The following MAP2 variants were observed in gnomAD, a reference collection of about 807,000 sequenced individuals.
MAP2 encodes the protein microtubule associated protein 2.
Under a neutral mutation model 137.6 loss-of-function variants are expected in MAP2, and 14 were observed. The ratio of observed to expected loss-of-function variants is 0.10; its 90% CI spans 0.07 to 0.16. The LOEUF is 0.16. Ranked by LOEUF, MAP2 falls within the 10% of genes least tolerant of loss-of-function variation. The pLI is 1.00. For synonymous variants in MAP2, 786 were observed against 782.3 expected (o/e 1.00, Z -0.08); for missense variants, 2,088 against 2,191.5 (o/e 0.95, Z 0.94).
chr2:209,595,256 A>T (rs1296968652), intron 3 of MAP2, among the ~76,000 whole-genome samples: 1 of 152,204 alleles, frequency 6.6e-6, no homozygotes, highest in Non-Finnish European at 1.5e-5. Flanking sequence ...TCTTGGCAAT[A>T]TTAAGAATAT....
In MAP2 at chr2:209,503,558, T is replaced by C. The variant is rs192006648; in HGVS notation, c.-221-4034T>C. Among the ~76,000 whole-genome samples the C allele has an allele frequency of 7.2e-5, 11 of 152,264 alleles. No homozygotes were observed. The East Asian group carries it at 2.1e-3, about 30-fold the overall frequency. On this transcript the variant is annotated intron_variant, in intron 1 of 15. Transcript: ENST00000682079. The stretch of plus-strand genomic sequence containing the variant: ...GGTTTCAGGTCTTACATTTAAGTTT[T>C]CATTCCATTTTGGGTTGATTTTTGT...
intron 4 of MAP2, among the ~76,000 whole-genome samples, chr2:209,625,538 T>A (rs892635075): frequency 6.6e-5 from 10 of 152,092 alleles, no homozygotes; most frequent in Admixed American, 5.2e-4. Context: ...ATCATCCCCA[T>A]TTTAGAGATT....
chr2:209,592,294 T>C (rs2079477074), intron 3 of MAP2, among the ~76,000 whole-genome samples: 1 of 152,178 alleles, frequency 6.6e-6, no homozygotes, highest in Non-Finnish European at 1.5e-5. Context: ...GGCACGGCTG[T>C]GTTTCAATAA....
At chr2:209,442,005 C>T (rs1252220463) in intron 1 of MAP2, among the ~76,000 whole-genome samples, 1 of 151,424 alleles carries the variant, frequency 6.6e-6, no homozygotes, top group Non-Finnish European at 1.5e-5. Flanking sequence ...TACATGTTTC[C>T]TCAGGATTGT....
At chr2:209,578,075 GGAAA>G (rs910323903) in intron 2 of MAP2, among the ~76,000 whole-genome samples, 16 of 152,180 alleles carry the variant, frequency 1.1e-4, no homozygotes, top group African/African-American at 3.9e-4. Flanking sequence ...AAGAGAGCAG[GGAAA>G]GAAAGTCACT....
intron 5 of MAP2, among the ~76,000 whole-genome samples, chr2:209,660,474 A>G (rs2042944882): frequency 1.4e-5 from 2 of 140,244 alleles, no homozygotes; most frequent in South Asian, 4.4e-4. Context: ...GCACACTGCA[A>G]GCTCCGCCTC....
At chr2:209,595,594 G>A (rs942695340) in intron 3 of MAP2, among the ~76,000 whole-genome samples, 4 of 152,092 alleles carry the variant, frequency 2.6e-5, no homozygotes, top group Non-Finnish European at 5.9e-5. Flanking sequence ...TGGATCCAGC[G>A]ATCCCATTAC....
At chr2:209,481,056 C>T (rs747630114) in intron 1 of MAP2, among the ~76,000 whole-genome samples, 25 of 152,190 alleles carry the variant, frequency 1.6e-4, no homozygotes, top group Non-Finnish European at 3.5e-4. Flanking sequence ...AAGAGACCAT[C>T]TCCTGTACAG....
intron 2 of MAP2, among the ~76,000 whole-genome samples, chr2:209,554,946 A>G (rs2070191746): frequency 6.8e-6 from 1 of 147,362 alleles, no homozygotes; most frequent in African/African-American, 2.5e-5. Flanking sequence ...ATATAAATAT[A>G]TATATTATTT....
In MAP2 at chr2:209,693,101, T is replaced by C. The variant is rs761272143; in HGVS notation, c.931T>C (p.Ser311Pro). ...AAAATGGGAAGGGAAACAGTTTGAT[T>C]CTCCCATGCCAAGTCCCTTTCAAGG... ...IPKWEGKQFDSPMPSPFQGGS... is the reference protein window; with the variant it reads ...IPKWEGKQFDPPMPSPFQGGS... Residue 311 changes from serine to proline, a missense_variant, in exon 8 of 16, where the codon TCT becomes CCT. Physicochemically the swap from Ser to Pro is moderately conservative, Grantham distance 74. This residue lies in a region of MAP2 where 859 missense variants were observed against 794.5 expected (regional missense o/e 1.08). Coordinates refer to ENST00000682079, the MANE Select transcript of MAP2 (RefSeq NM_001375505.1). 74 of 1,613,168 alleles carry C rather than the reference T, an allele frequency of 4.6e-5. No individual in the cohort carries two copies. The Middle Eastern group carries it at 9.9e-4, about 22-fold the overall frequency.
chr2:209,575,826 A>G (rs1017852144), intron 2 of MAP2, among the ~76,000 whole-genome samples: 2 of 152,174 alleles, frequency 1.3e-5, no homozygotes, highest in Non-Finnish European at 1.5e-5. Context: ...TTAGAAGTAA[A>G]TAAGAAAAGT....
intron 1 of MAP2, among the ~76,000 whole-genome samples, chr2:209,500,667 A>G (rs566479810): frequency 6.6e-6 from 1 of 152,238 alleles, no homozygotes; most frequent in South Asian, 2.1e-4. Flanking sequence ...ATTCTAACTA[A>G]GTGAACTCTT....
intron 1 of MAP2, among the ~76,000 whole-genome samples, chr2:209,453,316 G>A (rs370789915): frequency 9.9e-5 from 15 of 152,132 alleles, no homozygotes; most frequent in African/African-American, 3.6e-4. Flanking sequence ...ATGACAAACT[G>A]GCCATGATAG....
chr2:209,440,020 C>G (rs1278895667), intron 1 of MAP2, among the ~76,000 whole-genome samples: 1 of 151,408 alleles, frequency 6.6e-6, no homozygotes, highest in Non-Finnish European at 1.5e-5. Flanking sequence ...ATTTTATAGG[C>G]CACATAATTT....
intron 5 of MAP2, among the ~76,000 whole-genome samples, chr2:209,671,865 C>T (rs1482205320): frequency 6.6e-6 from 1 of 151,734 alleles, no homozygotes; most frequent in Non-Finnish European, 1.5e-5. Context: ...CCACAGGGTA[C>T]GAATTCAAAA....
intron 3 of MAP2, among the ~76,000 whole-genome samples, chr2:209,591,359 T>G (rs2153431402): frequency 6.6e-6 from 1 of 152,352 alleles, no homozygotes; most frequent in Non-Finnish European, 1.5e-5. Context: ...AACAGCTTTC[T>G]GCAATAGAGA....
intron 2 of MAP2, among the ~76,000 whole-genome samples, chr2:209,528,586 T>C (rs940022658): frequency 2.0e-5 from 3 of 152,028 alleles, no homozygotes; most frequent in Non-Finnish European, 2.9e-5. Context: ...GTTCAGCCTT[T>C]TGAATGCTTG....
chr2:209,517,403 CAT>C (rs2062669624), intron 2 of MAP2, among the ~76,000 whole-genome samples: 1 of 152,002 alleles, frequency 6.6e-6, no homozygotes, highest in Admixed American at 6.6e-5. Flanking sequence ...TTAGAAATAT[CAT>C]GTGTTTTGTC....
intron 12 of MAP2, among the ~76,000 whole-genome samples, chr2:209,708,343 T>C (rs557317911): frequency 1.2e-4 from 19 of 152,272 alleles, no homozygotes; most frequent in African/African-American, 4.1e-4. Context: ...CATTTCATAT[T>C]ATCAATTGAA....
Sources: allele counts gnomAD v4.1 joint callset (sites outside exome capture counted in the v4.1 genomes callset), GRCh38; gene constraint gnomAD v4.1.1; regional missense constraint gnomAD v4.1.1; transcripts MANE v1.5; gene names NCBI Gene and HGNC (gene_info 2026-07-23, HGNC 2026-07-21).